UST: variants seen among roughly 807,000 people sequenced by gnomAD.
UST encodes the protein uronyl 2-sulfotransferase.
In UST, 21 loss-of-function variants were observed where a neutral mutation model predicts 45.6. The observed-to-expected ratio is 0.46, with a 90% CI of 0.33 to 0.66. The LOEUF (loss-of-function observed/expected upper bound fraction) is 0.66, where lower values mean the gene tolerates loss of function less well. Among genes scored for constraint, UST ranks in the 30% least tolerant of loss-of-function variants. UST has a pLI of 0.02. For missense variants in UST, 463 were observed against 512.4 expected (o/e 0.90, Z 0.93); for synonymous variants, 215 against 200.6 (o/e 1.07, Z -0.61).
intron 7 of UST, among the ~76,000 whole-genome samples, chr6:149,025,496 C>G (rs534638885): frequency 6.6e-6 from 1 of 152,148 alleles, no homozygotes; most frequent in Non-Finnish European, 1.5e-5. Context: ...GATATTAGGA[C>G]AAGTACTGTG....
At chr6:148,808,793 A>T (rs1777198600) in intron 1 of UST, among the ~76,000 whole-genome samples, 1 of 152,172 alleles carries the variant, frequency 6.6e-6, no homozygotes, top group Non-Finnish European at 1.5e-5. Context: ...TGGAGCCCTC[A>T]TGATGGGATT....
At chr6:148,857,254 G>C (rs1383574544) in intron 1 of UST, among the ~76,000 whole-genome samples, 1 of 152,128 alleles carries the variant, frequency 6.6e-6, no homozygotes, top group Non-Finnish European at 1.5e-5. Context: ...CTCACGGTCA[G>C]AGCCCCCTAA....
At chr6:148,921,439 G>C (rs1562300526) in intron 2 of UST, among the ~76,000 whole-genome samples, 1 of 152,208 alleles carries the variant, frequency 6.6e-6, no homozygotes, top group Non-Finnish European at 1.5e-5. Flanking sequence ...GTGTTGTATA[G>C]TATGCTTGTT....
intron 5 of UST, among the ~76,000 whole-genome samples, chr6:148,986,494 C>T (rs939041757): frequency 6.6e-6 from 1 of 152,192 alleles, no homozygotes; most frequent in African/African-American, 2.4e-5. Flanking sequence ...GACACAAAGA[C>T]AGTAGCTTGA....
intron 2 of UST, among the ~76,000 whole-genome samples, chr6:148,935,323 T>G (rs1779998632): frequency 6.6e-6 from 1 of 152,192 alleles, no homozygotes; most frequent in Non-Finnish European, 1.5e-5. Flanking sequence ...GACATAACAT[T>G]CATATAACCG....
At chr6:148,823,179 A>G (rs1194736684) in intron 1 of UST, among the ~76,000 whole-genome samples, 1 of 152,222 alleles carries the variant, frequency 6.6e-6, no homozygotes, top group African/African-American at 2.4e-5. Flanking sequence ...TGATTTTTGG[A>G]GTGCTTTTCT....
chr6:148,769,203 A>G (rs1776374257), intron 1 of UST, among the ~76,000 whole-genome samples: 1 of 152,248 alleles, frequency 6.6e-6, no homozygotes, highest in Admixed American at 6.5e-5. Flanking sequence ...TCAGGAACAC[A>G]GACAGCACTC....
At chr6:149,042,713 G>A (rs1280357880) in intron 7 of UST, among the ~76,000 whole-genome samples, 1 of 152,236 alleles carries the variant, frequency 6.6e-6, no homozygotes, top group Non-Finnish European at 1.5e-5. Flanking sequence ...AACACTAAGT[G>A]TGGCCCACAG....
intron 4 of UST, among the ~76,000 whole-genome samples, chr6:148,958,005 C>CT (rs1780556809): frequency 6.6e-6 from 1 of 152,176 alleles, no homozygotes; most frequent in African/African-American, 2.4e-5. Flanking sequence ...CCTCCCCACA[C>CT]TTTTTTTGCA....
intron 1 of UST, among the ~76,000 whole-genome samples, chr6:148,848,910 G>A (rs924166949): frequency 1.3e-5 from 2 of 152,118 alleles, no homozygotes; most frequent in African/African-American, 4.8e-5. Flanking sequence ...GGAGGCTAGT[G>A]CTGTCACTTT....
chr6:148,747,582 G>T lies in UST; in HGVS notation c.152G>T (p.Cys51Phe). The change falls in exon 1 of 8, where the codon TGC becomes TTC. Residue 51 changes from cysteine to phenylalanine, a missense_variant. Around this residue, in one of 2 missense-constraint regions of UST, gnomAD observed 176 missense variants for 138.3 expected, o/e 1.27. Coordinates refer to ENST00000367463, the MANE Select transcript of UST (RefSeq NM_005715.3). Reference protein sequence around the residue: ...LRFSLRDYGFCMATLLVFCLG... With the variant: ...LRFSLRDYGFFMATLLVFCLG... ...TTCTCCCTCCGGGACTACGGCTTCT[G>T]CATGGCCACCCTGCTGGTCTTCTGC... 2 of 1,591,692 alleles carry T rather than the reference G, an allele frequency of 1.3e-6. No individual in the cohort carries two copies. Among genetic ancestry groups the T allele is most frequent in the South Asian group, 1.1e-5 (1 of 87,392 alleles).
chr6:149,018,676 T>G (rs563186283), intron 5 of UST, among the ~76,000 whole-genome samples: 1 of 152,224 alleles, frequency 6.6e-6, no homozygotes. Flanking sequence ...ACAGCTCCTC[T>G]AAAATTTGCA....
rs1290772858 is a variant in UST at position 148,747,454 on chromosome 6, C to T, written c.24C>T (p.Pro8=). The T allele has an allele frequency of 3.5e-6, 5 of 1,427,648 alleles. No individual in the cohort carries two copies. The highest frequency in any genetic ancestry group is 1.5e-5 in the African/African-American group (1 of 66,704). 88.4% of individuals were successfully genotyped at this position (1,427,648 alleles called of 1,614,324 possible). ...CGATGAAGAAGAAGCAGCAGCATCC[C>T]GGCGGCGGCGCGGATCCCTGGCCCC... MKKKQQH[P]GGGADPWPHG... is the part of the protein sequence containing the mutation. Residue 8 remains proline (P), a synonymous_variant, in exon 1 of 8, where the codon CCC becomes CCT. Coordinates refer to ENST00000367463, the MANE Select transcript of UST (RefSeq NM_005715.3).
At chr6:149,069,340 C>A (rs182054439) in intron 7 of UST, among the ~76,000 whole-genome samples, 2,366 of 152,244 alleles carry the variant, frequency 0.016, 62 homozygotes, top group African/African-American at 0.054. Context: ...AGTGGCTGTT[C>A]TAATTGGCAT....
chr6:148,942,531 C>A (rs1331732962), intron 3 of UST, among the ~76,000 whole-genome samples: 1 of 152,086 alleles, frequency 6.6e-6, no homozygotes. Context: ...GCACTCCAGC[C>A]TGGAGACAGA....
intron 1 of UST, among the ~76,000 whole-genome samples, chr6:148,864,489 T>C (rs1328265398): frequency 6.6e-6 from 1 of 152,168 alleles, no homozygotes; most frequent in Non-Finnish European, 1.5e-5. Context: ...CGGCTCATGC[T>C]CCATGGGCTG....
intron 1 of UST, among the ~76,000 whole-genome samples, chr6:148,820,953 AT>A (rs755953300): frequency 0.01 from 1,403 of 135,712 alleles, 21 homozygotes; most frequent in Non-Finnish European, 0.014. Flanking sequence ...GTCATGTAGT[AT>A]TTTTTTTTAA....
chr6:148,857,570 A>G (rs557079685), intron 1 of UST, among the ~76,000 whole-genome samples: 34 of 152,164 alleles, frequency 2.2e-4, no homozygotes, highest in Admixed American at 5.9e-4. Context: ...CCAATTCTGC[A>G]TATGAGGAAA....
intron 1 of UST, among the ~76,000 whole-genome samples, chr6:148,846,287 G>A (rs1017421822): frequency 2.0e-5 from 3 of 151,828 alleles, no homozygotes; most frequent in Admixed American, 6.6e-5. Flanking sequence ...ATGAGTTCCT[G>A]TCCTTTGTAG....
Sources: allele counts gnomAD v4.1 joint callset (sites outside exome capture counted in the v4.1 genomes callset), GRCh38; gene constraint gnomAD v4.1.1; regional missense constraint gnomAD v4.1.1; transcripts MANE v1.5; gene names NCBI Gene and HGNC (gene_info 2026-07-23, HGNC 2026-07-21).